DPEP2: variants seen among roughly 807,000 people sequenced by gnomAD.
DPEP2 encodes dipeptidase 2.
DPEP2 carries 45 observed loss-of-function variants against 51.8 expected under a neutral mutation model. The ratio of observed to expected loss-of-function variants is 0.87; its 90% confidence interval spans 0.68 to 1.11. The LOEUF is 1.11. Ranked by LOEUF, DPEP2 falls within the 50% of genes most tolerant of loss-of-function variation. The pLI, the probability that DPEP2 is intolerant of heterozygous loss-of-function variation, is 0.00. For synonymous variants in DPEP2, 255 were observed against 262.7 expected (o/e 0.97, Z 0.28); for missense variants, 604 against 631.9 (o/e 0.96, Z 0.47).
In DPEP2 at chr16:67,991,621, G is replaced by C; in HGVS notation, c.662+217C>G. On this transcript the variant is annotated intron_variant, in intron 5 of 10. Coordinates refer to ENST00000393847, the MANE Select transcript of DPEP2 (RefSeq NM_022355.4). This position sits in a 1 kb window ranked among gnomAD's most constrained non-coding sequence, Gnocchi z 5.1. ...TCGAACTCCTGGCCTTAAGTTATCT[G>C]TCCGCCTCAGCCTCCCAAAGTTTTG... The C allele has an allele frequency of 1.5e-6, 1 of 651,588 alleles. No individual in the cohort carries two copies. The highest frequency in any genetic ancestry group is 1.8e-5 in the African/African-American group (1 of 55,078). The allele number at this position is 651,588 out of a possible 1,614,324, so 40.4% of individuals were successfully genotyped here. A position where few individuals can be genotyped will look rare whatever the true frequency, so the allele number is the denominator to read the frequency against.
At position 67,999,457 on chromosome 16, in the gene DPEP2, A is replaced by G. The variant is rs1271795868; in HGVS notation, c.-128T>C. 4 of 990,530 alleles carry G rather than the reference A, an allele frequency of 4.0e-6. No individual in the cohort carries two copies. The highest frequency in any genetic ancestry group is 3.5e-5 in the African/African-American group (2 of 57,352). The allele number at this position is 990,530 out of a possible 1,614,324, so 61.4% of individuals were successfully genotyped here. On this transcript the variant is annotated 5_prime_UTR_variant, in exon 1 of 11. Coordinates refer to ENST00000393847, the MANE Select transcript of DPEP2 (RefSeq NM_022355.4). ...GACCAAGAACCCACCAATTCCGGAC[A>G]CACTAAGACAAGATTTCACTAGTGT...
In DPEP2 at chr16:67,994,095, C is replaced by T. The variant is rs907789147; in HGVS notation, c.-45-838G>A. The T allele has an allele frequency of 3.0e-6, 3 of 985,370 alleles. No individual in the cohort carries two copies. The African/African-American group carries it at 5.2e-5, about 17-fold the overall frequency. The allele number at this position is 985,370 out of a possible 1,614,324, so 61.0% of individuals were successfully genotyped here. A position where few individuals can be genotyped will look rare whatever the true frequency, so the allele number is the denominator to read the frequency against. On this transcript the variant is annotated intron_variant, in intron 1 of 10. Transcript: ENST00000393847. ...TCACTCAACAGAGCAGGAACCCACACAGCCATCTGCATGGAAGGAAATGAA... is the reference window on the plus strand; with the variant it reads ...TCACTCAACAGAGCAGGAACCCACATAGCCATCTGCATGGAAGGAAATGAA...
In DPEP2 at chr16:67,987,506, T is replaced by A; in HGVS notation, c.1461A>T (p.Ter487CysextTer1). The A allele has an allele frequency of 6.2e-7, 1 of 1,606,222 alleles. No individual in the cohort carries two copies. The highest frequency in any genetic ancestry group is 8.5e-7 in the Non-Finnish European group (1 of 1,173,324). The change falls in exon 11 of 11, where the codon TGA becomes TGT. Residue 487 changes from the stop codon to cysteine, a stop_lost. Transcript: ENST00000393847. ...ACATCTGGCAGGACTAACTGGGTCATCAGAGCCACAGAATAAGGACTGGGA... is the reference window on the plus strand; with the variant it reads ...ACATCTGGCAGGACTAACTGGGTCAACAGAGCCACAGAATAAGGACTGGGA... ...ATFPVLILWL* is the reference protein window; with the variant it reads ...ATFPVLILWLC
rs145489185 is a variant in DPEP2, at chr16:67,989,430, G to T, written c.995-32C>A. The T allele has an allele frequency of 2.5e-6, 4 of 1,612,252 alleles. No homozygotes were observed. The Admixed American group carries it at 6.7e-5, about 27-fold the overall frequency. On this transcript the variant is annotated intron_variant, in intron 8 of 10. Coordinates refer to ENST00000393847, the MANE Select transcript of DPEP2 (RefSeq NM_022355.4). ...AGGGGGAAGGTGGACAGTCAGCTGC[G>T]TAGGGCTTCCAGGGCAGGGGTGCCA... is the stretch of plus-strand genomic sequence containing the variant.
chr16:67,997,326 G>C (rs974978188), intron 1 of DPEP2, among the ~76,000 whole-genome samples: 1 of 147,602 alleles, frequency 6.8e-6, no homozygotes, highest in African/African-American at 2.5e-5. Context: ...AGCCACCCCC[G>C]ACCCTTGGCC....
chr16:67,989,465 G>A, intron 8 of DPEP2, 67 bp from the exon 9 acceptor site: 1 of 1,525,188 alleles, frequency 6.6e-7, no homozygotes. Context: ...ACTGGGGCTG[G>A]ATGGCACTGA....
intron 9 of DPEP2, 148 bp from the exon 10 acceptor site, chr16:67,988,135 C>T: frequency 1.0e-6 from 1 of 969,066 alleles, no homozygotes; most frequent in Middle Eastern, 2.2e-4. Flanking sequence ...GCTCTTTATC[C>T]TTCAGAAGGA....
Position 67,987,950 on chromosome 16 carries a change from C to T in DPEP2, c.1108G>A (p.Val370Ile). Residue 370 changes from valine (V) to isoleucine (I), a missense_variant, in exon 10 of 11, where the codon GTC becomes ATC. Coordinates refer to ENST00000393847, the MANE Select transcript of DPEP2 (RefSeq NM_022355.4). ...QGLEDVSTYPVLIEELLSRGW... is the reference protein window; with the variant it reads ...QGLEDVSTYPILIEELLSRGW... ...CGACTCAGCAACTCCTCTATCAGGA[C>T]CGGGTATGTGGACACGTCTTCCAGC... 6.2e-7 allele frequency: 1 copy of T among 1,614,174 alleles called. No homozygotes were observed. The highest frequency in any genetic ancestry group is 8.5e-7 in the Non-Finnish European group (1 of 1,180,044).
chr16:67,993,392 A>C (rs2032437464), intron 1 of DPEP2, 135 bp from the exon 2 acceptor site: 1 of 1,269,602 alleles, frequency 7.9e-7, no homozygotes, highest in Non-Finnish European at 9.9e-7. Context: ...GAGCGGCGGC[A>C]CCGCCCAGTA....
chr16:67,998,227 G>A (rs542682820), intron 1 of DPEP2, among the ~76,000 whole-genome samples: 1 of 152,304 alleles, frequency 6.6e-6, no homozygotes, highest in East Asian at 1.9e-4. Flanking sequence ...AGAGGCGCGA[G>A]TGGGAACCGG....
Position 67,987,394 on chromosome 16 carries a change from T to C in DPEP2, c.*112A>G. On this transcript the variant is annotated 3_prime_UTR_variant, in exon 11 of 11. Transcript: ENST00000393847. ...TTGCAGAGAAGGAAACTCAGGTCTG[T>C]TTCTATGTCCAAAACATTTATTTCA... is the stretch of plus-strand genomic sequence containing the variant. 2 of 1,463,412 alleles carry C rather than the reference T, an allele frequency of 1.4e-6. No individual in the cohort carries two copies. The highest frequency in any genetic ancestry group is 9.3e-7 in the Non-Finnish European group (1 of 1,080,992). The allele number at this position is 1,463,412 out of a possible 1,614,324, so 90.7% of individuals were successfully genotyped here.
In DPEP2 at chr16:67,991,621, G is replaced by A; in HGVS notation, c.662+217C>T. The A allele has an allele frequency of 7.7e-6, 5 of 651,588 alleles. No individual in the cohort carries two copies. Among genetic ancestry groups the A allele is most frequent in the Non-Finnish European group, 1.3e-5 (5 of 396,722 alleles). 40.4% of individuals were successfully genotyped at this position (651,588 alleles called of 1,614,324 possible). A position where few individuals can be genotyped will look rare whatever the true frequency, so the allele number is the denominator to read the frequency against. ...TCGAACTCCTGGCCTTAAGTTATCT[G>A]TCCGCCTCAGCCTCCCAAAGTTTTG... On this transcript the variant is annotated intron_variant, in intron 5 of 10. Coordinates refer to ENST00000393847, the MANE Select transcript of DPEP2 (RefSeq NM_022355.4). This position sits in a 1 kb window ranked among gnomAD's most constrained non-coding sequence, Gnocchi z 5.1.
At chr16:68,000,108 A>G (rs1018098700), upstream of DPEP2, among the ~76,000 whole-genome samples, 2 of 152,090 alleles carry the variant, frequency 1.3e-5, no homozygotes, top group Non-Finnish European at 2.9e-5. Flanking sequence ...ACGTCCCCCC[A>G]TAGAGCCTTG....
At chr16:67,990,707 G>A in intron 7 of DPEP2, 114 bp downstream of exon 7, 2 of 1,204,066 alleles carry the variant, frequency 1.7e-6, no homozygotes, top group Non-Finnish European at 2.4e-6. Context: ...CAAGTGATCA[G>A]CCCACCTCAG....
In DPEP2 at chr16:67,992,172, A is replaced by G; in HGVS notation, c.412T>C (p.Cys138Arg). 1.2e-6 allele frequency: 2 copies of G among 1,614,130 alleles called. No individual in the cohort carries two copies. Among genetic ancestry groups the G allele is most frequent in the East Asian group, 2.2e-5 (1 of 44,878 alleles). ...GAQFWSAYVPCQTQDRDALRL... is the reference protein window; with the variant it reads ...GAQFWSAYVPRQTQDRDALRL... ...AGGGCATCCCGGTCCTGGGTCTGGC[A>G]TGGCACATAGGCTGACCAGAACTGG... Residue 138 changes from cysteine (C) to arginine (R), a missense_variant, in exon 4 of 11, where the codon TGC becomes CGC. Physicochemically the swap from Cys to Arg is radical, Grantham distance 180. Coordinates refer to ENST00000393847, the MANE Select transcript of DPEP2 (RefSeq NM_022355.4).
chr16:67,992,336 C>T lies in DPEP2; in HGVS notation c.391-143G>A, dbSNP rs139790010. On this transcript the variant is annotated intron_variant, in intron 3 of 10. Coordinates refer to ENST00000393847, the MANE Select transcript of DPEP2 (RefSeq NM_022355.4). ...TGCTTCTTCCACAGGGTCTTCCTGG[C>T]CACCAAGCTGGCTCACTGTAGCCTC... 4.7e-4 allele frequency: 672 copies of T among 1,432,954 alleles called. 6 individuals carry two copies. The Admixed American group carries it at 0.013, about 27-fold the overall frequency. 88.8% of individuals were successfully genotyped at this position (1,432,954 alleles called of 1,614,324 possible).
At position 67,987,672 on chromosome 16, in the gene DPEP2, C is replaced by T. The variant is rs200614898; in HGVS notation, c.1295G>A (p.Arg432His). The part of the protein sequence containing the change: ...LSSSCHSDLS[R>H]LRQRQSLTSG... ...AGTCAGACTCTGTCTCTGACGCAGA[C>T]GTGAGAGGTCGGAGTGGCAGGAACT... Residue 432 changes from arginine (R) to histidine (H), a missense_variant, in exon 11 of 11, where the codon CGT becomes CAT. Transcript: ENST00000393847. 102 of 1,614,174 alleles carry T rather than the reference C, an allele frequency of 6.3e-5. No individual in the cohort carries two copies. The African/African-American group carries it at 9.9e-4, about 16-fold the overall frequency.
intron 1 of DPEP2, chr16:67,993,632 C>T (rs1346399036): frequency 5.0e-6 from 5 of 991,896 alleles, no homozygotes; most frequent in African/African-American, 3.5e-5. Context: ...CAGTGGCCCT[C>T]TGCCCTGCCC....
intron 1 of DPEP2, among the ~76,000 whole-genome samples, chr16:67,999,051 C>T (rs747394793): frequency 2.1e-4 from 32 of 152,148 alleles, no homozygotes; most frequent in East Asian, 7.7e-4. Context: ...GCAGTGGCTA[C>T]CTGTTCTGGT....
Sources: gnomAD v4.1 joint callset for allele counts (sites outside exome capture counted in the v4.1 genomes callset) on GRCh38, gnomAD v4.1.1 for gene constraint, Gnocchi (gnomAD v3.1) non-coding constraint, MANE v1.5 for transcripts, NCBI Gene and HGNC (gene_info 2026-07-23, HGNC 2026-07-21) for gene names.